Variants in CACNB2 observed in about 807,000 individuals in gnomAD.
The protein encoded by CACNB2 is voltage-dependent L-type calcium channel subunit beta-2.
In CACNB2, 42 loss-of-function variants were observed where a neutral mutation model predicts 73.3. That is an observed-to-expected ratio of 0.57 (90% CI 0.45 to 0.74). The LOEUF is 0.74. Among genes scored for constraint, CACNB2 ranks in the 30% least tolerant of loss-of-function variants. The pLI is 0.00. For missense variants in CACNB2, 940 were observed against 853.0 expected (o/e 1.10, Z -1.27); for synonymous variants, 348 against 310.3 (o/e 1.12, Z -1.28).
intron 2 of CACNB2, among the ~76,000 whole-genome samples, chr10:18,359,475 T>C (rs1483580395): frequency 6.6e-6 from 1 of 152,126 alleles, no homozygotes; most frequent in Admixed American, 6.5e-5. Context: ...GATTTTATCA[T>C]GTTGGCCAGG....
intron 2 of CACNB2, among the ~76,000 whole-genome samples, chr10:18,223,945 C>A (rs2035888273): frequency 6.6e-6 from 1 of 151,636 alleles, no homozygotes; most frequent in Non-Finnish European, 1.5e-5. Context: ...AATAGGCAGC[C>A]TACCCCTTCT....
At chr10:18,527,541 A>T in intron 9 of CACNB2, 47 bp from the exon 10 acceptor site, 1 of 1,229,954 alleles carries the variant, frequency 8.1e-7, no homozygotes, top group Non-Finnish European at 1.2e-6. Flanking sequence ...ATCCCCTTTG[A>T]TTAGACCAAT....
At chr10:18,148,719 A>G (rs1309924147) in intron 1 of CACNB2, among the ~76,000 whole-genome samples, 1 of 152,190 alleles carries the variant, frequency 6.6e-6, no homozygotes, top group African/African-American at 2.4e-5. Context: ...TGGAGGCTGG[A>G]CATGGTAGCT....
At chr10:18,256,150 G>T (rs1470672531) in intron 2 of CACNB2, among the ~76,000 whole-genome samples, 1 of 151,780 alleles carries the variant, frequency 6.6e-6, no homozygotes, top group Non-Finnish European at 1.5e-5. Flanking sequence ...TCTTCTTAAC[G>T]CTTTTCAATA....
At chr10:18,319,112 A>G (rs898597894) in intron 2 of CACNB2, among the ~76,000 whole-genome samples, 9 of 152,164 alleles carry the variant, frequency 5.9e-5, no homozygotes, top group African/African-American at 2.2e-4. Context: ...TACCCAAAGG[A>G]ATATAAATCA....
At chr10:18,524,862 T>TA (rs752541857) in intron 9 of CACNB2, among the ~76,000 whole-genome samples, 4,710 of 117,406 alleles carry the variant, frequency 0.04, 108 homozygotes, top group Non-Finnish European at 0.053. Context: ...CTGTTTCTAC[T>TA]AAAAAAAAAA....
intron 2 of CACNB2, among the ~76,000 whole-genome samples, chr10:18,337,209 C>T (rs2041042303): frequency 1.3e-5 from 2 of 151,968 alleles, no homozygotes; most frequent in Admixed American, 1.3e-4. Flanking sequence ...GGCTCACTGC[C>T]CCCTCGACTT....
rs942550178 is a variant in CACNB2 at position 18,260,916 on chromosome 10, A to G, written c.213+109941A>G. The G allele has an allele frequency of 1.0e-5, 12 of 1,153,056 alleles. No homozygotes were observed. In the African/African-American group the frequency reaches 1.3e-4, roughly 12 times the overall value. 71.4% of individuals were successfully genotyped at this position (1,153,056 alleles called of 1,614,324 possible). ...TGAGAATGGCTACTGTAAAAGCGTC[A>G]CCAAGAAACTCTGACGATCTGGACA... On this transcript the variant is annotated intron_variant, in intron 2 of 13. Transcript: ENST00000324631.
At chr10:18,315,357 C>CA (rs146127351) in intron 2 of CACNB2, among the ~76,000 whole-genome samples, 1,377 of 125,548 alleles carry the variant, frequency 0.011, 13 homozygotes, top group African/African-American at 0.039. Context: ...CAAAACAAAA[C>CA]AAAACAAAAA....
intron 9 of CACNB2, among the ~76,000 whole-genome samples, chr10:18,526,795 A>C (rs1414522008): frequency 6.6e-6 from 1 of 152,162 alleles, no homozygotes; most frequent in Non-Finnish European, 1.5e-5. Flanking sequence ...ACCATTAGCT[A>C]TCTGAGGGAA....
At chr10:18,268,718 C>T (rs1407176613) in intron 2 of CACNB2, among the ~76,000 whole-genome samples, 1 of 152,100 alleles carries the variant, frequency 6.6e-6, no homozygotes, top group Non-Finnish European at 1.5e-5. Flanking sequence ...TTTAATAATA[C>T]ATATTTAATG....
At chr10:18,379,216 A>AT (rs1589187949) in intron 2 of CACNB2, among the ~76,000 whole-genome samples, 1 of 151,938 alleles carries the variant, frequency 6.6e-6, no homozygotes. Flanking sequence ...TTATTTATTT[A>AT]TTTTTTGTTT....
chr10:18,467,850 G>A (rs982863489), intron 3 of CACNB2, among the ~76,000 whole-genome samples: 3 of 152,170 alleles, frequency 2.0e-5, no homozygotes, highest in South Asian at 4.1e-4. Context: ...ACAATGCATT[G>A]CAATTGTTTG....
At chr10:18,273,038 C>T in intron 2 of CACNB2, among the ~76,000 whole-genome samples, 1 of 152,128 alleles carries the variant, frequency 6.6e-6, no homozygotes. Flanking sequence ...CATTGTGCAT[C>T]ACTATTTTTT....
intron 2 of CACNB2, among the ~76,000 whole-genome samples, chr10:18,291,250 A>C (rs1188749763): frequency 6.6e-6 from 1 of 152,212 alleles, no homozygotes; most frequent in South Asian, 2.1e-4. Flanking sequence ...AACAGCAGCT[A>C]ATCTACAAGA....
At chr10:18,460,226 C>CTA (rs1170484859) in intron 3 of CACNB2, among the ~76,000 whole-genome samples, 1 of 152,076 alleles carries the variant, frequency 6.6e-6, no homozygotes, top group African/African-American at 2.4e-5. Flanking sequence ...TTGTTTGTGG[C>CTA]TGTCAGTAGA....
intron 3 of CACNB2, among the ~76,000 whole-genome samples, chr10:18,463,973 C>G (rs1409374264): frequency 6.6e-6 from 1 of 152,106 alleles, no homozygotes; most frequent in Non-Finnish European, 1.5e-5. Flanking sequence ...ATTCCTCCCA[C>G]AGCTCTAACA....
intron 3 of CACNB2, among the ~76,000 whole-genome samples, chr10:18,406,055 G>A (rs2044270957): frequency 2.0e-5 from 3 of 152,080 alleles, no homozygotes; most frequent in South Asian, 4.1e-4. Context: ...TTTTATCATC[G>A]AATATCTACT....
chr10:18,460,054 C>G (rs1040837634), intron 3 of CACNB2, among the ~76,000 whole-genome samples: 1 of 152,124 alleles, frequency 6.6e-6, no homozygotes, highest in Non-Finnish European at 1.5e-5. Context: ...TTAAGAAAAT[C>G]ATATCTTACA....
Sources: allele counts gnomAD v4.1 joint callset (sites outside exome capture counted in the v4.1 genomes callset), GRCh38; gene constraint gnomAD v4.1.1; transcripts MANE v1.5; gene names NCBI Gene and HGNC (gene_info 2026-07-23, HGNC 2026-07-21).